Variants in MAP3K15 observed in about 807,000 individuals in gnomAD.
The protein encoded by MAP3K15 is mitogen-activated protein kinase kinase kinase 15.
MAP3K15 carries 124 observed loss-of-function variants against 99.5 expected under a neutral mutation model. That is an observed-to-expected ratio of 1.25 (90% confidence interval 1.08 to 1.45). The LOEUF is 1.45. Ranked by LOEUF, MAP3K15 falls within the 40% of genes most tolerant of loss-of-function variation. MAP3K15 has a pLI of 0.00. For synonymous variants in MAP3K15, 494 were observed against 439.6 expected (o/e 1.12, Z -1.55); for missense variants, 1,242 against 1,079.7 (o/e 1.15, Z -2.11).
At chrX:19,476,023 G>T (rs751221213) in intron 3 of MAP3K15, among the ~76,000 whole-genome samples, 1 of 111,930 alleles carries the variant, frequency 8.9e-6, no homozygotes, top group African/African-American at 3.3e-5. Context: ...TGGCAAAGCT[G>T]GTCAACAGCA....
At chrX:19,414,110 G>A (rs765929379) in intron 10 of MAP3K15, 1 of 101,219 alleles carries the variant, frequency 9.9e-6, no homozygotes, top group African/African-American at 3.7e-5. Context: ...GCAGTGAGCC[G>A]AGGTTGCACC....
chrX:19,385,116 T>C (rs2063486389), intron 18 of MAP3K15, among the ~76,000 whole-genome samples: 1 of 111,046 alleles, frequency 9.0e-6, no homozygotes, highest in Non-Finnish European at 1.9e-5. Flanking sequence ...AGTTAGGTCT[T>C]ACAGCGTTTC....
Position 19,400,453 on chromosome X carries a change from G to A in MAP3K15, c.1932+123C>T, listed in dbSNP as rs2063599281. On this transcript the variant is annotated intron_variant, in intron 14 of 28. Coordinates refer to ENST00000338883, the MANE Select transcript of MAP3K15 (RefSeq NM_001001671.4). ...CAACATTATCTCTGGGAACCATGCA[G>A]TGATGGCTGGCAGGTTCATAAAACA... The A allele has an allele frequency of 7.7e-5, 35 of 452,406 alleles. No individual in the cohort carries two copies. The South Asian group carries it at 1.2e-3, about 16-fold the overall frequency. 37.3% of individuals were successfully genotyped at this position (452,406 alleles called of 1,213,427 possible).
At chrX:19,491,555 G>A (rs2064368815) in intron 1 of MAP3K15, among the ~76,000 whole-genome samples, 1 of 110,498 alleles carries the variant, frequency 9.0e-6, no homozygotes, top group African/African-American at 3.3e-5. Flanking sequence ...GGGGCCAGCA[G>A]CAAGCCAGGG....
intron 13 of MAP3K15, among the ~76,000 whole-genome samples, chrX:19,405,909 A>G (rs972921332): frequency 9.8e-5 from 11 of 112,597 alleles, no homozygotes; most frequent in African/African-American, 3.5e-4. Flanking sequence ...AATATTTTCA[A>G]AAATAAAAAG....
chrX:19,393,314 G>A (rs1280032866), intron 16 of MAP3K15, among the ~76,000 whole-genome samples: 4 of 111,387 alleles, frequency 3.6e-5, no homozygotes, highest in African/African-American at 6.5e-5. Context: ...ACCTAACGCC[G>A]GGGATGGGGT....
intron 3 of MAP3K15, among the ~76,000 whole-genome samples, chrX:19,468,923 T>G (rs899764328): frequency 9.0e-6 from 1 of 111,676 alleles, no homozygotes; most frequent in Admixed American, 9.6e-5. Context: ...CTGTCTGTTA[T>G]TGGCGTATAA....
intron 6 of MAP3K15, among the ~76,000 whole-genome samples, chrX:19,436,401 C>T (rs190352136): frequency 1.3e-4 from 14 of 110,854 alleles, no homozygotes; most frequent in South Asian, 1.2e-3. Flanking sequence ...ACACCACACT[C>T]GCCCGATTTT....
intron 10 of MAP3K15, among the ~76,000 whole-genome samples, chrX:19,413,678 G>GGC (rs1190808586): frequency 2.4e-5 from 1 of 42,389 alleles, no homozygotes; most frequent in African/African-American, 1.9e-4. Flanking sequence ...GCCATCTCTT[G>GGC]GGGGGGGGGG....
At chrX:19,406,434 TA>T (rs1392623506) in intron 13 of MAP3K15, among the ~76,000 whole-genome samples, 2 of 112,025 alleles carry the variant, frequency 1.8e-5, no homozygotes, top group Non-Finnish European at 3.8e-5. Flanking sequence ...GGATAAACCT[TA>T]AAAAAATTAC....
At chrX:19,437,503 G>A (rs761551084) in intron 6 of MAP3K15, among the ~76,000 whole-genome samples, 5 of 111,432 alleles carry the variant, frequency 4.5e-5, no homozygotes, top group Non-Finnish European at 9.4e-5. Flanking sequence ...TACCTGAAAT[G>A]ATCTTCCCCC....
chrX:19,395,597 C>T (rs1473821328), intron 15 of MAP3K15, among the ~76,000 whole-genome samples: 1 of 111,746 alleles, frequency 8.9e-6, no homozygotes, highest in African/African-American at 3.3e-5. Flanking sequence ...CTGCCCTCAG[C>T]TGCCCTCTCG....
chrX:19,424,216 ACACACATATATG>A (rs2063810242), intron 9 of MAP3K15, among the ~76,000 whole-genome samples: 1 of 104,656 alleles, frequency 9.6e-6, no homozygotes, highest in African/African-American at 3.9e-5. Flanking sequence ...ACACATATAT[ACACACATATATG>A]TACACACATA....
intron 14 of MAP3K15, among the ~76,000 whole-genome samples, 158 bp from the exon 15 acceptor site, chrX:19,398,517 T>C (rs759796622): frequency 8.9e-6 from 1 of 112,372 alleles, no homozygotes; most frequent in Non-Finnish European, 1.9e-5. Flanking sequence ...TTTCATTAAA[T>C]GACTTTAAAG....
At chrX:19,389,272 A>G (rs1452627046) in intron 18 of MAP3K15, among the ~76,000 whole-genome samples, 4 of 102,067 alleles carry the variant, frequency 3.9e-5, no homozygotes, top group African/African-American at 1.5e-4. Context: ...TGCTTTGATG[A>G]TATGTCAGCT....
At position 19,371,066 on chromosome X, in the gene MAP3K15, TAAA is replaced by T. The variant is rs372545551; in HGVS notation, c.3295-5_3295-3del. On this transcript the variant is annotated splice_region_variant and splice_polypyrimidine_tract_variant and intron_variant, in intron 23 of 28. Transcript: ENST00000338883. ...GTGGTTCCTCAAAATTTTATTTACCTAAAAAAAAAAAAAATAATAAAATAAACT... is the reference window on the plus strand; with the variant it reads ...GTGGTTCCTCAAAATTTTATTTACCTAAAAAAAAAAATAATAAAATAAACT... The T allele has an allele frequency of 7.0e-5, 63 of 903,270 alleles. No homozygotes were observed. Among genetic ancestry groups the T allele is most frequent in the Admixed American group, 2.4e-4 (6 of 25,447 alleles). 74.4% of individuals were successfully genotyped at this position (903,270 alleles called of 1,213,427 possible).
At chrX:19,484,497 G>C (rs945050711) in intron 3 of MAP3K15, among the ~76,000 whole-genome samples, 1 of 111,965 alleles carries the variant, frequency 8.9e-6, no homozygotes, top group Non-Finnish European at 1.9e-5. Context: ...AGGAAGAATA[G>C]TGCCAAGGTA....
chrX:19,368,393 G>A (rs760011258), intron 25 of MAP3K15, among the ~76,000 whole-genome samples: 16 of 112,431 alleles, frequency 1.4e-4, no homozygotes, highest in Non-Finnish European at 2.4e-4. Context: ...CACTCACCTC[G>A]GCCTCTCAAA....
chrX:19,397,688 A>G (rs1321260871), intron 15 of MAP3K15, among the ~76,000 whole-genome samples: 3 of 112,266 alleles, frequency 2.7e-5, no homozygotes, highest in Non-Finnish European at 3.8e-5. Flanking sequence ...GTGGAAACAC[A>G]ACAAAAGTTT....
Sources: allele counts gnomAD v4.1 joint callset (sites outside exome capture counted in the v4.1 genomes callset), GRCh38; gene constraint gnomAD v4.1.1; transcripts MANE v1.5; gene names NCBI Gene and HGNC (gene_info 2026-07-23, HGNC 2026-07-21).